Variants in SDK1 observed in about 807,000 individuals in gnomAD.
The protein encoded by SDK1 is sidekick cell adhesion molecule 1, also known as protein sidekick-1.
SDK1 carries 157 observed loss-of-function variants against 245.5 expected under a neutral mutation model. The ratio of observed to expected loss-of-function variants is 0.64; its 90% CI spans 0.56 to 0.73. SDK1 has a LOEUF of 0.73. SDK1 is among the 30% of genes least tolerant of loss of function. SDK1 has a pLI of 0.00. For synonymous variants in SDK1, 1,647 were observed against 1,278.5 expected, an observed-to-expected ratio of 1.29 and a Z score of -6.15; for missense variants, 3,583 against 3,002.3, an observed-to-expected ratio of 1.19 and a Z score of -4.52.
At chr7:3,705,466 ATTTTATTTTATTTTATTTTATTTTATT>A (rs1215771036) in intron 4 of SDK1, among the ~76,000 whole-genome samples, 13 of 139,000 alleles carry the variant, frequency 9.4e-5, no homozygotes, top group African/African-American at 3.5e-4. Flanking sequence ...ATTTTATTTT[ATTTTATTTTATTTTATTTTATTTTATT>A]TTTTATTTTA....
intron 5 of SDK1, among the ~76,000 whole-genome samples, chr7:3,907,904 AGCAAG>A (rs1245880025): frequency 2.0e-5 from 3 of 152,192 alleles, no homozygotes; most frequent in Non-Finnish European, 2.9e-5. Flanking sequence ...ACTTTGATTG[AGCAAG>A]GGCTTGTGTG....
chr7:3,599,692 TA>T (rs1781193322), intron 1 of SDK1, among the ~76,000 whole-genome samples: 1 of 152,222 alleles, frequency 6.6e-6, no homozygotes, highest in African/African-American at 2.4e-5. Context: ...TTCAATTGCC[TA>T]GCATCATTTG....
chr7:3,890,251 G>A (rs1781428440), intron 5 of SDK1, among the ~76,000 whole-genome samples: 1 of 152,196 alleles, frequency 6.6e-6, no homozygotes, highest in African/African-American at 2.4e-5. Context: ...TGCATGGTAG[G>A]CGCTAGCCAC....
intron 1 of SDK1, among the ~76,000 whole-genome samples, chr7:3,386,621 A>T (rs1781616520): frequency 6.6e-6 from 1 of 152,180 alleles, no homozygotes; most frequent in African/African-American, 2.4e-5. Context: ...AACTATGCCC[A>T]GTCCACCTGT....
At position 4,174,222 on chromosome 7, in the gene SDK1, C is replaced by G. The variant is rs369785109; in HGVS notation, c.4801C>G (p.Pro1601Ala). ...TTSSVLIQWQ[P>A]PRDESLNGLL... ...CTGAGTCGGTGTGATGTCTTTGCAGCCTCCGAGGGACGAAAGCCTGAATGG... is the reference window on the plus strand; with the variant it reads ...CTGAGTCGGTGTGATGTCTTTGCAGGCTCCGAGGGACGAAAGCCTGAATGG... The change falls in exon 33 of 45, where the codon CCT becomes GCT. Residue 1601 changes from proline to alanine, a missense_variant and splice_region_variant. Pro to Ala is a conservative substitution (Grantham distance 27). Coordinates refer to ENST00000404826, the MANE Select transcript of SDK1 (RefSeq NM_152744.4). 9.3e-6 allele frequency: 15 copies of G among 1,613,854 alleles called. No homozygotes were observed. The African/African-American group carries it at 2.0e-4, about 22-fold the overall frequency.
chr7:3,338,611 A>AAAAC (rs574137613), intron 1 of SDK1: 8 of 199,254 alleles, frequency 4.0e-5, no homozygotes, highest in African/African-American at 1.1e-4. Flanking sequence ...ATAGGTGTTA[A>AAAAC]AAACAAACAA....
At chr7:3,443,673 C>T (rs1780261340) in intron 1 of SDK1, among the ~76,000 whole-genome samples, 1 of 152,206 alleles carries the variant, frequency 6.6e-6, no homozygotes, top group African/African-American at 2.4e-5. Flanking sequence ...TTACTTTCTT[C>T]ATTTGTAATT....
chr7:4,129,890 G>C lies in SDK1; in HGVS notation c.3940-18G>C. The C allele has an allele frequency of 6.2e-7, 1 of 1,612,976 alleles. No homozygotes were observed. Among genetic ancestry groups the C allele is most frequent in the Non-Finnish European group, 8.5e-7 (1 of 1,179,728 alleles). On this transcript the variant is annotated intron_variant, in intron 26 of 44. Coordinates refer to ENST00000404826, the MANE Select transcript of SDK1 (RefSeq NM_152744.4). ...GCACCCGCCTCCTGATAACCCTCGT[G>C]CTGTGTCGATACCACAGATCCTGTT...
At chr7:3,890,585 T>A (rs1403664577) in intron 5 of SDK1, among the ~76,000 whole-genome samples, 3 of 151,952 alleles carry the variant, frequency 2.0e-5, no homozygotes, top group African/African-American at 7.3e-5. Flanking sequence ...TGAGTCTCTA[T>A]GGGTAACATT....
chr7:4,049,428 C>G lies in SDK1; in HGVS notation c.2683C>G (p.Gln895Glu), dbSNP rs1482113247. Residue 895 changes from glutamine (Q) to glutamate (E), a missense_variant, in exon 18 of 45, where the codon CAG (glutamine) becomes GAG (glutamate). Gln to Glu is a conservative substitution (Grantham distance 29, BLOSUM62 2). Coordinates refer to ENST00000404826, the MANE Select transcript of SDK1 (RefSeq NM_152744.4). Reference sequence around the variant, plus strand: ...TCAGTTCCTGTGGAACCCTCCGCCTCAGCAGTTTATCAATGGCATCAACCA... The same window carrying G: ...TCAGTTCCTGTGGAACCCTCCGCCTGAGCAGTTTATCAATGGCATCAACCA... ...TIQFLWNPPPQQFINGINQGY... is the reference protein window; with the variant it reads ...TIQFLWNPPPEQFINGINQGY... The G allele has an allele frequency of 6.2e-7, 1 of 1,614,172 alleles. No individual in the cohort carries two copies. The highest frequency in any genetic ancestry group is 1.1e-5 in the South Asian group (1 of 91,074).
chr7:4,249,795 G>A (rs768462097), intron 44 of SDK1, among the ~76,000 whole-genome samples: 3 of 152,148 alleles, frequency 2.0e-5, no homozygotes, highest in Admixed American at 1.3e-4. Flanking sequence ...AGGGAACCGG[G>A]GACTTAGATC....
chr7:3,340,537 T>C (rs1411486720), intron 1 of SDK1, among the ~76,000 whole-genome samples: 2 of 151,992 alleles, frequency 1.3e-5, no homozygotes, highest in African/African-American at 4.8e-5. Flanking sequence ...CCAAGGTGGG[T>C]GGCTCACGAG....
At chr7:3,663,553 A>C (rs1050994687) in intron 4 of SDK1, among the ~76,000 whole-genome samples, 1 of 152,108 alleles carries the variant, frequency 6.6e-6, no homozygotes, top group African/African-American at 2.4e-5. Flanking sequence ...GATGAGAGAG[A>C]TTGCTGTTTA....
At chr7:3,624,634 CTTT>C (rs778890285) in intron 2 of SDK1, among the ~76,000 whole-genome samples, 1 of 151,986 alleles carries the variant, frequency 6.6e-6, no homozygotes, top group African/African-American at 2.4e-5. Flanking sequence ...TGGGGAGGAA[CTTT>C]TTTTTCTAAA....
Position 4,233,183 on chromosome 7 carries a change from C to A in SDK1, c.5828-72C>A, listed in dbSNP as rs754901280. On this transcript the variant is annotated intron_variant, in intron 40 of 44. Transcript: ENST00000404826. The stretch of plus-strand genomic sequence containing the variant: ...GGCTGCTGCAAGCCGACCCACCAGG[C>A]AGGTGCATGGGGCTCGCATCTGGGA... 200 of 1,468,084 alleles carry A rather than the reference C, an allele frequency of 1.4e-4. 1 individual carries two copies. In the South Asian group the frequency reaches 1.5e-3, roughly 11 times the overall value. The allele number at this position is 1,468,084 out of a possible 1,614,324, so 90.9% of individuals were successfully genotyped here. A position where few individuals can be genotyped will look rare whatever the true frequency, so the allele number is the denominator to read the frequency against.
At chr7:3,380,019 G>A (rs917733104) in intron 1 of SDK1, among the ~76,000 whole-genome samples, 17 of 152,300 alleles carry the variant, frequency 1.1e-4, no homozygotes, top group Middle Eastern at 3.4e-3. Context: ...ATATTGGGAA[G>A]CAATATACCA....
chr7:4,036,645 T>C (rs1433801767), intron 17 of SDK1, among the ~76,000 whole-genome samples: 1 of 152,146 alleles, frequency 6.6e-6, no homozygotes, highest in East Asian at 1.9e-4. Context: ...CAGGAGATGG[T>C]GTTAGGAGAT....
intron 16 of SDK1, among the ~76,000 whole-genome samples, chr7:4,014,062 CT>C (rs1786196751): frequency 6.6e-6 from 1 of 152,258 alleles, no homozygotes; most frequent in Admixed American, 6.5e-5. Flanking sequence ...CACCCATCCA[CT>C]AATGAGAATA....
chr7:4,149,055 AAAAACAAAAC>A lies in SDK1; in HGVS notation c.4424-187_4424-178del, dbSNP rs59907207. Among the ~76,000 whole-genome samples the A allele has an allele frequency of 2.3e-3, 351 of 151,494 alleles. 1 individual carries two copies. The highest frequency in any genetic ancestry group is 7.8e-3 in the African/African-American group (320 of 40,980). On this transcript the variant is annotated intron_variant, in intron 29 of 44. Transcript: ENST00000404826. ...TGGTGACAGAGTGAGACTCTGTCTCAAAAACAAAACAAAACAAAACAAAACAAAAAAACAG... is the reference window on the plus strand; with the variant it reads ...TGGTGACAGAGTGAGACTCTGTCTCAAAAACAAAACAAAACAAAAAAACAG...
Sources: allele counts gnomAD v4.1 joint callset (sites outside exome capture counted in the v4.1 genomes callset), GRCh38; gene constraint gnomAD v4.1.1; transcripts MANE v1.5; gene names NCBI Gene and HGNC (gene_info 2026-07-23, HGNC 2026-07-21).